RXYLT1: variants seen among roughly 807,000 people sequenced by gnomAD.
The protein encoded by RXYLT1 is ribitol xylosyltransferase 1.
RXYLT1 carries 41 observed loss-of-function variants against 43.5 expected under a neutral mutation model. That is an observed-to-expected ratio of 0.94 (90% CI 0.73 to 1.22). The LOEUF is 1.22. Ranked by LOEUF, RXYLT1 falls within the 50% of genes most tolerant of loss-of-function variation. RXYLT1 has a pLI of 0.00. For synonymous variants in RXYLT1, 166 were observed against 194.4 expected (o/e 0.85, Z 1.21); for missense variants, 514 against 532.0 (o/e 0.97, Z 0.33).
intron 3 of RXYLT1, among the ~76,000 whole-genome samples, chr12:63,799,297 CTTTTCTT>C (rs1898103604): frequency 8.4e-6 from 1 of 118,398 alleles, no homozygotes; most frequent in Admixed American, 9.9e-5. Context: ...TTTTTCTTTT[CTTTTCTT>C]TTTTTTTTTT....
At chr12:63,783,386 G>A (rs533684969) in intron 2 of RXYLT1, among the ~76,000 whole-genome samples, 8 of 152,128 alleles carry the variant, frequency 5.3e-5, no homozygotes, top group African/African-American at 1.7e-4. Context: ...GCTTGAACCC[G>A]GGAGGTGGAG....
intron 3 of RXYLT1, among the ~76,000 whole-genome samples, chr12:63,789,986 TAAAC>T (rs890088348): frequency 2.6e-5 from 4 of 152,318 alleles, no homozygotes; most frequent in East Asian, 1.9e-4. Context: ...TTTGTTTAAA[TAAAC>T]AAACGAGCTT....
At chr12:63,799,684 G>A (rs1470036265) in intron 3 of RXYLT1, among the ~76,000 whole-genome samples, 2 of 151,976 alleles carry the variant, frequency 1.3e-5, no homozygotes, top group Admixed American at 1.3e-4. Context: ...TTCCTATCTA[G>A]TGTCAGCTAG....
chr12:63,799,914 T>A (rs1009202132), intron 3 of RXYLT1, among the ~76,000 whole-genome samples: 1 of 152,206 alleles, frequency 6.6e-6, no homozygotes, highest in African/African-American at 2.4e-5. Context: ...TTCTAGCCCC[T>A]CAGATTCTGC....
At chr12:63,780,555 T>C in intron 1 of RXYLT1, 1 of 999,024 alleles carries the variant, frequency 1.0e-6, no homozygotes, top group Non-Finnish European at 1.2e-6. Context: ...TGGTCCCCTG[T>C]CCTGTGTTTT....
chr12:63,807,621 G>A (rs958255767), intron 5 of RXYLT1: 2 of 152,134 alleles, frequency 1.3e-5, no homozygotes, highest in African/African-American at 4.8e-5. Flanking sequence ...CTGTAGTGCA[G>A]TGACAGGATC....
At chr12:63,785,265 A>G (rs1897775096) in intron 3 of RXYLT1, 193 bp downstream of exon 3, 1 of 305,834 alleles carries the variant, frequency 3.3e-6, no homozygotes, top group Admixed American at 4.6e-5. Flanking sequence ...ATGAAATTGT[A>G]TATTACAGAA....
intron 2 of RXYLT1, among the ~76,000 whole-genome samples, chr12:63,783,414 T>G (rs1388611232): frequency 6.6e-6 from 1 of 151,854 alleles, no homozygotes; most frequent in Non-Finnish European, 1.5e-5. Context: ...TGAGCCGAGA[T>G]CATGCCACCT....
chr12:63,808,898 G>A lies in RXYLT1; in HGVS notation c.1138G>A (p.Gly380Ser). 6.2e-7 allele frequency: 1 copy of A among 1,614,038 alleles called. No homozygotes were observed. The highest frequency in any genetic ancestry group is 8.5e-7 in the Non-Finnish European group (1 of 1,180,022). ...GAPLQLLKSM[G>S]APFIFIKNWK... ...TCCTCTGCAGTTACTCAAGTCCATG[G>A]GTGCTCCCTTTATCTTTATCAAGAA... Residue 380 changes from glycine to serine, a missense_variant, in exon 6 of 6, where the codon GGT becomes AGT. By Grantham distance (56) the Gly-to-Ser change is moderately conservative. Transcript: ENST00000261234.
In RXYLT1 at chr12:63,780,116, G is replaced by C; in HGVS notation, c.156G>C (p.Glu52Asp). Residue 52 changes from glutamate (E) to aspartate (D), a missense_variant, in exon 1 of 6, where the codon GAG becomes GAC. Glu to Asp is a conservative substitution (Grantham distance 45). Coordinates refer to ENST00000261234, the MANE Select transcript of RXYLT1 (RefSeq NM_014254.3). ...GGAAGGGGGCGGCCCCCGCGCGGGAGAGACGCGGCCGAGGTAGGACTGGGT... is the reference window on the plus strand; with the variant it reads ...GGAAGGGGGCGGCCCCCGCGCGGGACAGACGCGGCCGAGGTAGGACTGGGT... The part of the protein sequence containing the change: ...GLRKGAAPAR[E>D]RRGREQSTLE... 4.6e-6 allele frequency: 7 copies of C among 1,526,588 alleles called. No homozygotes were observed. Among genetic ancestry groups the C allele is most frequent in the Non-Finnish European group, 6.1e-6 (7 of 1,143,386 alleles). 94.6% of individuals were successfully genotyped at this position (1,526,588 alleles called of 1,614,324 possible).
intron 3 of RXYLT1, among the ~76,000 whole-genome samples, chr12:63,788,299 T>A (rs901923320): frequency 3.3e-5 from 5 of 152,188 alleles, no homozygotes; most frequent in African/African-American, 1.2e-4. Flanking sequence ...CCAGCTACAT[T>A]TAGTCCCTGA....
Position 63,780,138 on chromosome 12 carries a change from G to A in RXYLT1, c.169+9G>A. The A allele has an allele frequency of 1.4e-6, 2 of 1,469,806 alleles. No individual in the cohort carries two copies. The highest frequency in any genetic ancestry group is 8.9e-7 in the Non-Finnish European group (1 of 1,123,362). 91.0% of individuals were successfully genotyped at this position (1,469,806 alleles called of 1,614,324 possible). ...GGAGAGACGCGGCCGAGGTAGGACT[G>A]GGTCGGCGGCTTCCTTCCGGCTCTG... On this transcript the variant is annotated intron_variant, in intron 1 of 5. Coordinates refer to ENST00000261234, the MANE Select transcript of RXYLT1 (RefSeq NM_014254.3).
At chr12:63,787,544 T>A (rs1897832559) in intron 3 of RXYLT1, among the ~76,000 whole-genome samples, 2 of 152,350 alleles carry the variant, frequency 1.3e-5, no homozygotes, top group Non-Finnish European at 2.9e-5. Flanking sequence ...CAGAAGGTTT[T>A]CATTTACTTT....
At chr12:63,782,642 C>G (rs953791510) in intron 2 of RXYLT1, 38 of 456,592 alleles carry the variant, frequency 8.3e-5, no homozygotes, top group African/African-American at 7.4e-4. Context: ...AGCTCCTCTG[C>G]AGATCTTTTC....
chr12:63,787,644 T>C (rs1897834910), intron 3 of RXYLT1, among the ~76,000 whole-genome samples: 2 of 152,172 alleles, frequency 1.3e-5, no homozygotes, highest in Non-Finnish European at 2.9e-5. Context: ...TGTTTTTTTT[T>C]TGAGACAGAG....
intron 4 of RXYLT1, 128 bp from the exon 5 acceptor site, chr12:63,805,106 C>G (rs772135157): frequency 1.6e-6 from 1 of 631,666 alleles, no homozygotes; most frequent in Non-Finnish European, 2.4e-6. Context: ...TGGAAAATTA[C>G]AATTTGAGAT....
At chr12:63,803,433 T>C (rs1001337964) in intron 4 of RXYLT1, among the ~76,000 whole-genome samples, 1 of 152,078 alleles carries the variant, frequency 6.6e-6, no homozygotes, top group Non-Finnish European at 1.5e-5. Flanking sequence ...GTGGATAAAT[T>C]ATGAAAAATC....
intron 3 of RXYLT1, among the ~76,000 whole-genome samples, chr12:63,786,526 C>A (rs950492330): frequency 6.6e-6 from 1 of 151,380 alleles, no homozygotes; most frequent in Non-Finnish European, 1.5e-5. Flanking sequence ...AAAAAAAATA[C>A]GTACCTTAAG....
chr12:63,795,291 G>A (rs914321529), intron 3 of RXYLT1, among the ~76,000 whole-genome samples: 18 of 148,012 alleles, frequency 1.2e-4, no homozygotes, highest in African/African-American at 3.6e-4. Flanking sequence ...AAAAAAAGAA[G>A]AAGAAGAAGA....
Sources: allele counts gnomAD v4.1 joint callset (sites outside exome capture counted in the v4.1 genomes callset), GRCh38; gene constraint gnomAD v4.1.1; transcripts MANE v1.5; gene names NCBI Gene and HGNC (gene_info 2026-07-23, HGNC 2026-07-21).